Variants in TRABD2B observed in about 807,000 individuals in gnomAD.
TRABD2B encodes metalloprotease TIKI2.
A neutral mutation model predicts 40.1 loss-of-function variants in TRABD2B; 14 were observed. The observed-to-expected ratio is 0.35, with a 90% confidence interval of 0.23 to 0.55. The LOEUF is 0.55. Among genes scored for constraint, TRABD2B ranks in the 20% least tolerant of loss-of-function variants. The probability of loss-of-function intolerance (pLI) is 0.90; values close to 1 mark genes in which losing one functional copy is unlikely to be tolerated. For synonymous variants in TRABD2B, 263 were observed against 277.0 expected, an observed-to-expected ratio of 0.95 and a Z score of 0.50; for missense variants, 541 against 648.6, an observed-to-expected ratio of 0.83 and a Z score of 1.80.
intron 2 of TRABD2B, among the ~76,000 whole-genome samples, chr1:47,932,273 G>A (rs1018498378): frequency 1.4e-4 from 22 of 152,252 alleles, no homozygotes; most frequent in African/African-American, 5.3e-4. Flanking sequence ...CATGGAGCTG[G>A]GTGGGATTCC....
intron 2 of TRABD2B, among the ~76,000 whole-genome samples, chr1:47,844,311 G>A (rs932701510): frequency 6.6e-6 from 1 of 152,204 alleles, no homozygotes; most frequent in Non-Finnish European, 1.5e-5. Context: ...GAGTTGGGGA[G>A]GGAGGGTGGC....
chr1:47,764,636 T>C lies in TRABD2B; in HGVS notation c.*1266A>G, dbSNP rs2124401484. The C allele has an allele frequency of 6.6e-6, 1 of 152,276 alleles. No homozygotes were observed. Among genetic ancestry groups the C allele is most frequent in the East Asian group, 1.9e-4 (1 of 5,178 alleles). 9.4% of individuals were successfully genotyped at this position (152,276 alleles called of 1,614,324 possible). ...GGCACATGCAGTTGCCAGAGCCCTT[T>C]GGCCAGAGGGGTCAACATAAGCAGC... On this transcript the variant is annotated 3_prime_UTR_variant, in exon 7 of 7. Transcript: ENST00000606738.
intron 2 of TRABD2B, among the ~76,000 whole-genome samples, chr1:47,939,252 G>T (rs1469874549): frequency 1.3e-5 from 2 of 151,992 alleles, no homozygotes; most frequent in East Asian, 3.9e-4. Context: ...AGTTTTTGAG[G>T]TCAAAATCCA....
chr1:47,942,311 G>A (rs1645198804), intron 2 of TRABD2B, among the ~76,000 whole-genome samples: 1 of 152,162 alleles, frequency 6.6e-6, no homozygotes, highest in South Asian at 2.1e-4. Context: ...TAGGCTCATT[G>A]GCCCAGAGCA....
rs1361634805 is a variant in TRABD2B, at chr1:47,794,658, G to A, written c.916C>T (p.Arg306Cys). The A allele has an allele frequency of 7.2e-6, 11 of 1,536,696 alleles. No homozygotes were observed. The highest frequency in any genetic ancestry group is 2.4e-5 in the East Asian group (1 of 40,888). ...AGCGCCATGACCCTCTTCCCCATGC[G>A]CTCATTCCTCTTGTAGATGAGCTCC... ...RQELIYKRNERMGKRVMALLR... is the reference protein window; with the variant it reads ...RQELIYKRNECMGKRVMALLR... The change falls in exon 4 of 7, where the codon CGC becomes TGC. Residue 306 changes from arginine to cysteine, a missense_variant. By Grantham distance (180) the Arg-to-Cys change is radical (BLOSUM62 -3). Transcript: ENST00000606738.
intron 2 of TRABD2B, among the ~76,000 whole-genome samples, chr1:47,935,202 A>T (rs1477152836): frequency 6.6e-6 from 1 of 152,164 alleles, no homozygotes; most frequent in African/African-American, 2.4e-5. Context: ...CATGTACCTT[A>T]TCTATTTTTC....
chr1:47,962,739 C>T (rs1421592592), intron 2 of TRABD2B, among the ~76,000 whole-genome samples: 1 of 152,186 alleles, frequency 6.6e-6, no homozygotes, highest in Admixed American at 6.5e-5. Flanking sequence ...CAAACCCAAG[C>T]AATTCAGCTG....
At chr1:47,790,413 C>T (rs1041880951) in intron 4 of TRABD2B, among the ~76,000 whole-genome samples, 4 of 152,148 alleles carry the variant, frequency 2.6e-5, no homozygotes, top group Non-Finnish European at 5.9e-5. Context: ...CCATCTGGGC[C>T]CCCCCAGCAT....
At chr1:47,981,048 G>A (rs1316716351) in intron 2 of TRABD2B, among the ~76,000 whole-genome samples, 6 of 151,146 alleles carry the variant, frequency 4.0e-5, no homozygotes, top group Non-Finnish European at 7.4e-5. Context: ...TTGCTCTGTC[G>A]CCCAGGCTGG....
At position 47,964,868 on chromosome 1, in the gene TRABD2B, CT is replaced by C. The variant is rs987651714; in HGVS notation, c.666+29165del. Among the ~76,000 whole-genome samples, 4 of 152,090 alleles carry C rather than the reference CT, an allele frequency of 2.6e-5. No homozygotes were observed. In the East Asian group the frequency reaches 7.8e-4, roughly 30 times the overall value. On this transcript the variant is annotated intron_variant, in intron 2 of 6. Transcript: ENST00000606738. ...CAGGCACTGCATAAGTCAGAGACCC[CT>C]TGGAAGCCCTGCCCAGGAAGGATGC...
intron 2 of TRABD2B, among the ~76,000 whole-genome samples, chr1:47,982,242 G>A (rs1645851386): frequency 6.6e-6 from 1 of 152,118 alleles, no homozygotes; most frequent in Admixed American, 6.5e-5. Context: ...TACAGAATGG[G>A]CTTCACTTCA....
chr1:47,862,647 T>C (rs78859853), intron 2 of TRABD2B, among the ~76,000 whole-genome samples: 3,586 of 152,306 alleles, frequency 0.024, 114 homozygotes, highest in Admixed American at 0.095. Flanking sequence ...ATTTTCAAGA[T>C]GTCAGGTCTT....
At chr1:47,863,372 T>TTATTTATATTTATATATATATATATA (rs568340180) in intron 2 of TRABD2B, among the ~76,000 whole-genome samples, 3 of 66,494 alleles carry the variant, frequency 4.5e-5, no homozygotes, top group African/African-American at 1.6e-4. Flanking sequence ...CTATATAATT[T>TTATTTATATTTATATATATATATATA]TATATATATA....
chr1:47,938,043 G>T (rs1027878998), intron 2 of TRABD2B, among the ~76,000 whole-genome samples: 2 of 152,124 alleles, frequency 1.3e-5, no homozygotes, highest in African/African-American at 4.8e-5. Flanking sequence ...TTTGCCAGCC[G>T]CAAATGGGGC....
chr1:47,975,070 C>T lies in TRABD2B; in HGVS notation c.666+18964G>A, dbSNP rs556770284. 2.9e-4 allele frequency among the ~76,000 whole-genome samples: 44 copies of T among 152,158 alleles called. 1 individual carries two copies. Among genetic ancestry groups the T allele is most frequent in the South Asian group, 2.1e-3 (10 of 4,814 alleles). On this transcript the variant is annotated intron_variant, in intron 2 of 6. Transcript: ENST00000606738. Reference sequence around the variant, plus strand: ...ATTCTAAGAAGGGATGATAAGTAAACGTGATACAGTACCCTGGATAAGATC... The same window carrying T: ...ATTCTAAGAAGGGATGATAAGTAAATGTGATACAGTACCCTGGATAAGATC...
chr1:47,836,358 G>A (rs1252277404), intron 2 of TRABD2B, among the ~76,000 whole-genome samples: 1 of 152,242 alleles, frequency 6.6e-6, no homozygotes, highest in Non-Finnish European at 1.5e-5. Flanking sequence ...TGGACTGTGG[G>A]AGGCCACCCT....
rs150790734 is a variant in TRABD2B, at chr1:47,873,517, G to A, written c.667-71898C>T. Among the ~76,000 whole-genome samples the A allele has an allele frequency of 2.4e-3, 371 of 152,278 alleles. 1 individual carries two copies. Among genetic ancestry groups the A allele is most frequent in the African/African-American group, 8.5e-3 (352 of 41,568 alleles). On this transcript the variant is annotated intron_variant, in intron 2 of 6. Coordinates refer to ENST00000606738, the MANE Select transcript of TRABD2B (RefSeq NM_001194986.2). Reference sequence around the variant, plus strand: ...GCAGCAGACAGCATGTGGCTGGGGCGAGGGCGTGTGCTACACAGAGCAAGC... The same window carrying A: ...GCAGCAGACAGCATGTGGCTGGGGCAAGGGCGTGTGCTACACAGAGCAAGC...
chr1:47,920,741 G>A (rs1053177935), intron 2 of TRABD2B, among the ~76,000 whole-genome samples: 2 of 152,216 alleles, frequency 1.3e-5, no homozygotes, highest in African/African-American at 4.8e-5. Context: ...TTCCTTATTG[G>A]TGTTTCTACA....
In TRABD2B at chr1:47,915,010, G is replaced by A. The variant is rs149025203; in HGVS notation, c.666+79024C>T. 1.4e-4 allele frequency among the ~76,000 whole-genome samples: 21 copies of A among 152,338 alleles called. No homozygotes were observed. In the East Asian group the frequency reaches 3.9e-3, roughly 28 times the overall value. Reference sequence around the variant, plus strand: ...TGAAAGCAGCCCACTTCAGTACAGCGAGACAAATGCCATGAGGCAGATTCA... The same window carrying A: ...TGAAAGCAGCCCACTTCAGTACAGCAAGACAAATGCCATGAGGCAGATTCA... On this transcript the variant is annotated intron_variant, in intron 2 of 6. Coordinates refer to ENST00000606738, the MANE Select transcript of TRABD2B (RefSeq NM_001194986.2).
Sources: allele counts gnomAD v4.1 joint callset (sites outside exome capture counted in the v4.1 genomes callset), GRCh38; gene constraint gnomAD v4.1.1; transcripts MANE v1.5; gene names NCBI Gene and HGNC (gene_info 2026-07-23, HGNC 2026-07-21).